The following MAGI2 variants were observed in gnomAD, a reference collection of about 807,000 sequenced individuals.
MAGI2 encodes membrane associated guanylate kinase, WW and PDZ domain containing 2.
MAGI2 carries 35 observed loss-of-function variants against 133.3 expected under a neutral mutation model. That is an observed-to-expected ratio of 0.26 (90% confidence interval 0.20 to 0.35). MAGI2 has a LOEUF of 0.35. MAGI2 is among the 10% of genes least tolerant of loss of function. The pLI is 1.00. For synonymous variants in MAGI2, 729 were observed against 710.6 expected (o/e 1.03, Z -0.41); for missense variants, 1,636 against 1,863.4 (o/e 0.88, Z 2.25).
At chr7:78,846,309 G>T (rs1792600733) in intron 2 of MAGI2, among the ~76,000 whole-genome samples, 1 of 151,910 alleles carries the variant, frequency 6.6e-6, no homozygotes, top group Non-Finnish European at 1.5e-5. Flanking sequence ...AGTTATACTT[G>T]CATCTCATTT....
intron 3 of MAGI2, among the ~76,000 whole-genome samples, chr7:78,566,545 A>C (rs1303211318): frequency 6.6e-6 from 1 of 151,636 alleles, no homozygotes; most frequent in Non-Finnish European, 1.5e-5. Flanking sequence ...AAAAAAAAAA[A>C]AAAAACAGAG....
intron 1 of MAGI2, among the ~76,000 whole-genome samples, chr7:79,391,946 C>T (rs960523725): frequency 2.0e-5 from 3 of 151,984 alleles, no homozygotes; most frequent in Non-Finnish European, 2.9e-5. Context: ...GGCCTCCTAA[C>T]GTCATCTAGG....
intron 2 of MAGI2, among the ~76,000 whole-genome samples, chr7:78,953,785 A>G (rs1236578320): frequency 6.6e-6 from 1 of 152,146 alleles, no homozygotes; most frequent in East Asian, 1.9e-4. Context: ...TGATTCTGCA[A>G]TCAGTGCTCA....
intron 1 of MAGI2, among the ~76,000 whole-genome samples, chr7:79,154,366 T>C (rs1296334037): frequency 1.3e-5 from 2 of 152,232 alleles, no homozygotes; most frequent in African/African-American, 4.8e-5. Flanking sequence ...TTCTTGACTG[T>C]TGAAAAATGT....
chr7:78,272,371 A>G (rs1233956352), intron 9 of MAGI2, among the ~76,000 whole-genome samples: 2 of 152,156 alleles, frequency 1.3e-5, no homozygotes, highest in African/African-American at 4.8e-5. Flanking sequence ...TATGTGGTCA[A>G]TTTTAGAATA....
At chr7:79,343,574 A>C (rs1841072762) in intron 1 of MAGI2, among the ~76,000 whole-genome samples, 1 of 151,868 alleles carries the variant, frequency 6.6e-6, no homozygotes, top group Admixed American at 6.6e-5. Context: ...ATTGGCCCCA[A>C]ATTGGCTAAT....
Position 78,649,237 on chromosome 7 carries a change from A to ATAAAAAG in MAGI2, c.419-21999_419-21998insCTTTTTA, listed in dbSNP as rs1554512661. Among the ~76,000 whole-genome samples the ATAAAAAG allele has an allele frequency of 1.7e-4, 11 of 65,486 alleles. 2 individuals carry two copies. The East Asian group carries it at 3.5e-3, about 21-fold the overall frequency. The allele number at this position is 65,486 out of a possible 152,430, so 43.0% of individuals were successfully genotyped here. On this transcript the variant is annotated intron_variant, in intron 2 of 21. Transcript: ENST00000354212. The stretch of plus-strand genomic sequence containing the variant: ...TGACTTGTGGTAAAAAAAAAAAAAG[A>ATAAAAAG]AAAAAAAAGAAAAAAAGTAATGACA...
At chr7:78,130,256 G>A (rs1051662504) in intron 18 of MAGI2, among the ~76,000 whole-genome samples, 7 of 152,162 alleles carry the variant, frequency 4.6e-5, no homozygotes, top group Admixed American at 4.6e-4. Context: ...GGGGAGAAGT[G>A]TATGGGTGTC....
At chr7:78,169,707 G>A (rs1446850831) in intron 14 of MAGI2, among the ~76,000 whole-genome samples, 2 of 152,192 alleles carry the variant, frequency 1.3e-5, no homozygotes, top group Admixed American at 1.3e-4. Context: ...CTTCTGTGTG[G>A]AATATTAAGT....
chr7:78,469,193 A>C (rs762409638), intron 6 of MAGI2, among the ~76,000 whole-genome samples: 1 of 152,178 alleles, frequency 6.6e-6, no homozygotes, highest in African/African-American at 2.4e-5. Flanking sequence ...TCCATATGAA[A>C]ATAAATTAAG....
chr7:78,739,828 A>G (rs1822221120), intron 2 of MAGI2, among the ~76,000 whole-genome samples: 1 of 152,142 alleles, frequency 6.6e-6, no homozygotes, highest in Non-Finnish European at 1.5e-5. Flanking sequence ...CACGTCGGTA[A>G]GCAGAGTGAA....
chr7:78,878,228 T>A (rs959375352), intron 2 of MAGI2, among the ~76,000 whole-genome samples: 2 of 152,224 alleles, frequency 1.3e-5, no homozygotes, highest in Non-Finnish European at 2.9e-5. Flanking sequence ...TGTGCAGTCA[T>A]ACAAGGCCCT....
In MAGI2 at chr7:79,213,325, T is replaced by TACACACACACAC. The variant is rs146529788; in HGVS notation, c.302-206131_302-206120dup. 3.4e-5 allele frequency among the ~76,000 whole-genome samples: 5 copies of TACACACACACAC among 145,468 alleles called. No individual in the cohort carries two copies. In the East Asian group the frequency reaches 1.0e-3, roughly 29 times the overall value. Reference sequence around the variant, plus strand: ...GTGTATTTACACACACGTACACACGTACACACACACACACACACACACACA... The same window carrying TACACACACACAC: ...GTGTATTTACACACACGTACACACGTACACACACACACACACACACACACACACACACACACA... On this transcript the variant is annotated intron_variant, in intron 1 of 21. Coordinates refer to ENST00000354212, the MANE Select transcript of MAGI2 (RefSeq NM_012301.4).
intron 21 of MAGI2, among the ~76,000 whole-genome samples, chr7:78,025,548 A>G (rs1808828406): frequency 6.6e-6 from 1 of 152,216 alleles, no homozygotes; most frequent in Non-Finnish European, 1.5e-5. Context: ...ATATTCCACA[A>G]ATAGAAATGG....
At chr7:78,205,980 C>A (rs569923373) in intron 10 of MAGI2, among the ~76,000 whole-genome samples, 1 of 152,278 alleles carries the variant, frequency 6.6e-6, no homozygotes, top group East Asian at 1.9e-4. Context: ...CACAAAAGGC[C>A]ATTTTCAAAC....
At chr7:79,236,624 A>G (rs1831943678) in intron 1 of MAGI2, among the ~76,000 whole-genome samples, 2 of 152,244 alleles carry the variant, frequency 1.3e-5, no homozygotes, top group Admixed American at 1.3e-4. Flanking sequence ...AGTCTGTAAA[A>G]TGAAACTATC....
At position 79,236,346 on chromosome 7, in the gene MAGI2, C is replaced by T. The variant is rs147249114; in HGVS notation, c.301+216674G>A. ...AGGGAGTAAGGACAGACCAGTTAGC[C>T]TGGGGTTCTGTTGAAGTCTAAAGGG... On this transcript the variant is annotated intron_variant, in intron 1 of 21. Coordinates refer to ENST00000354212, the MANE Select transcript of MAGI2 (RefSeq NM_012301.4). Among the ~76,000 whole-genome samples, 117 of 152,288 alleles carry T rather than the reference C, an allele frequency of 7.7e-4. 1 individual carries two copies. Among genetic ancestry groups the T allele is most frequent in the African/African-American group, 2.5e-3 (103 of 41,554 alleles).
At chr7:78,926,807 C>A (rs562488452) in intron 2 of MAGI2, among the ~76,000 whole-genome samples, 1 of 150,974 alleles carries the variant, frequency 6.6e-6, no homozygotes, top group Non-Finnish European at 1.5e-5. Flanking sequence ...TAGGAGAAAT[C>A]TTTGTGTTTG....
intron 6 of MAGI2, among the ~76,000 whole-genome samples, chr7:78,425,446 T>A (rs1799192650): frequency 6.6e-6 from 1 of 152,194 alleles, no homozygotes; most frequent in African/African-American, 2.4e-5. Flanking sequence ...TATGGAAATG[T>A]AGGCATAGGG....
Sources: allele counts gnomAD v4.1 joint callset (sites outside exome capture counted in the v4.1 genomes callset), GRCh38; gene constraint gnomAD v4.1.1; transcripts MANE v1.5; gene names NCBI Gene and HGNC (gene_info 2026-07-23, HGNC 2026-07-21).